Variants in MKLN1 observed in about 807,000 individuals in gnomAD.
MKLN1 encodes the protein muskelin.
Under a neutral mutation model 99.0 loss-of-function variants are expected in MKLN1, and 18 were observed. The ratio of observed to expected loss-of-function variants is 0.18; its 90% CI spans 0.13 to 0.27. The LOEUF (loss-of-function observed/expected upper bound fraction) is 0.27, where lower values mean the gene tolerates loss of function less well. Ranked by LOEUF, MKLN1 falls within the 10% of genes least tolerant of loss-of-function variation. The pLI, the probability that MKLN1 is intolerant of heterozygous loss-of-function variation, is 1.00. For synonymous variants in MKLN1, 288 were observed against 293.2 expected (o/e 0.98, Z 0.18); for missense variants, 621 against 875.9 (o/e 0.71, Z 3.67).
chr7:131,217,284 T>G (rs78299600), intron 3 of MKLN1, among the ~76,000 whole-genome samples: 25,082 of 152,264 alleles, frequency 0.16, 2,459 homozygotes, highest in South Asian at 0.29. Flanking sequence ...CAAATATGTA[T>G]TGAGTTCCTA....
In MKLN1 at chr7:131,493,165, G is replaced by A. The variant is rs1797469888; in HGVS notation, c.*5437G>A. 1 of 152,138 alleles carries A rather than the reference G, an allele frequency of 6.6e-6. No individual in the cohort carries two copies. The highest frequency in any genetic ancestry group is 1.5e-5 in the Non-Finnish European group (1 of 68,020). The allele number at this position is 152,138 out of a possible 1,614,324, so 9.4% of individuals were successfully genotyped here. On this transcript the variant is annotated 3_prime_UTR_variant, in exon 18 of 18. Transcript: ENST00000352689. ...AAGGGGAAATGTTTGGTAGGGAATT[G>A]GACCAGTTCTAAGGTATCACTTTTA...
At chr7:131,112,270 C>T (rs1795213535) in intron 1 of MKLN1, among the ~76,000 whole-genome samples, 1 of 152,154 alleles carries the variant, frequency 6.6e-6, no homozygotes, top group African/African-American at 2.4e-5. Flanking sequence ...TTCTAAGGTT[C>T]CTCCCATTTA....
chr7:131,193,475 T>A (rs891341319), intron 2 of MKLN1, among the ~76,000 whole-genome samples: 2 of 152,068 alleles, frequency 1.3e-5, no homozygotes, highest in Admixed American at 1.3e-4. Context: ...AAGTGATTCT[T>A]CTGCCTCAGC....
chr7:131,126,043 TA>T (rs1563223239), intron 1 of MKLN1, among the ~76,000 whole-genome samples: 32 of 2,806 alleles, frequency 0.011, no homozygotes, highest in Admixed American at 0.041. Context: ...AATAAATAAA[TA>T]AATAAATTAA....
At chr7:131,441,799 G>A in intron 10 of MKLN1, among the ~76,000 whole-genome samples, 1 of 152,126 alleles carries the variant, frequency 6.6e-6, no homozygotes, top group East Asian at 1.9e-4. Flanking sequence ...AAAGGTAGGG[G>A]GTTGGTAACA....
chr7:131,125,993 G>A (rs1479016036), intron 1 of MKLN1, among the ~76,000 whole-genome samples: 60 of 139,234 alleles, frequency 4.3e-4, no homozygotes, highest in African/African-American at 1.4e-3. Context: ...GCGACAGAGC[G>A]AGACTCCGTC....
chr7:131,309,769 G>A (rs4448213), intron 3 of MKLN1: 62,392 of 138,432 alleles, frequency 0.45, 15,235 homozygotes, highest in Admixed American at 0.58. Flanking sequence ...ACTGTTGCCC[G>A]GGCTGGAGTG....
intron 2 of MKLN1, among the ~76,000 whole-genome samples, chr7:131,184,002 C>CA (rs1796411977): frequency 6.6e-6 from 1 of 151,232 alleles, no homozygotes; most frequent in African/African-American, 2.4e-5. Context: ...AGTTTGCAAA[C>CA]GGAGTAAAGA....
At position 131,335,872 on chromosome 7, in the gene MKLN1, C is replaced by T. The variant is rs188186674; in HGVS notation, c.98+7875C>T. ...CAGCATTTTTATAAATGTTTATGTA[C>T]CCTTGAAAAGACTATGCATTCTGCT... On this transcript the variant is annotated intron_variant, in intron 1 of 17. Transcript: ENST00000352689. Among the ~76,000 whole-genome samples, 12 of 151,902 alleles carry T rather than the reference C, an allele frequency of 7.9e-5. No individual in the cohort carries two copies. In the East Asian group the frequency reaches 2.3e-3, roughly 29 times the overall value.
At chr7:131,260,803 T>C (rs952124861) in intron 3 of MKLN1, among the ~76,000 whole-genome samples, 14 of 152,130 alleles carry the variant, frequency 9.2e-5, no homozygotes, top group Middle Eastern at 3.4e-3. Context: ...AACAGACACA[T>C]AGACCAATGG....
At chr7:131,310,719 AAT>A (rs1265248788) in intron 3 of MKLN1, 9 of 152,318 alleles carry the variant, frequency 5.9e-5, no homozygotes, top group African/African-American at 2.2e-4. Context: ...CATATCTGAA[AAT>A]ATGTCATTCC....
At chr7:131,361,802 T>G (rs1800038679) in intron 1 of MKLN1, among the ~76,000 whole-genome samples, 1 of 151,996 alleles carries the variant, frequency 6.6e-6, no homozygotes, top group East Asian at 1.9e-4. Flanking sequence ...CTCTCATTTT[T>G]TTTTGGTTAG....
At chr7:131,160,393 T>C (rs1355259303) in intron 2 of MKLN1, among the ~76,000 whole-genome samples, 1 of 151,944 alleles carries the variant, frequency 6.6e-6, no homozygotes, top group East Asian at 1.9e-4. Context: ...TACAAGCTTT[T>C]GTGGAAATGT....
intron 3 of MKLN1, among the ~76,000 whole-genome samples, chr7:131,280,180 A>G (rs1043720780): frequency 9.9e-5 from 15 of 152,222 alleles, no homozygotes; most frequent in African/African-American, 2.7e-4. Flanking sequence ...TTGTATGGCT[A>G]TACCACATTT....
At chr7:131,187,714 A>G (rs1796473310) in intron 2 of MKLN1, among the ~76,000 whole-genome samples, 1 of 152,142 alleles carries the variant, frequency 6.6e-6, no homozygotes, top group Admixed American at 6.6e-5. Context: ...GGATCACTTG[A>G]GTCCAGGATT....
chr7:131,227,412 T>G (rs560749530), intron 3 of MKLN1, among the ~76,000 whole-genome samples: 1 of 150,790 alleles, frequency 6.6e-6, no homozygotes, highest in South Asian at 2.1e-4. Flanking sequence ...TTTCTTTCCC[T>G]CTCTCTCTTT....
rs529906160 is a variant in MKLN1 at position 131,451,162 on chromosome 7, C to T, written c.1525+5259C>T. On this transcript the variant is annotated intron_variant, in intron 12 of 17. Transcript: ENST00000352689. ...GAAGGCAGAATACTATTTAAATTCC[C>T]ACATTTTTAAAATATTCTTAGAAAA... Among the ~76,000 whole-genome samples the T allele has an allele frequency of 2.0e-5, 3 of 152,024 alleles. No homozygotes were observed. In the South Asian group the frequency reaches 6.2e-4, roughly 32 times the overall value.
At chr7:131,418,219 A>G (rs1217057106) in intron 8 of MKLN1, among the ~76,000 whole-genome samples, 2 of 151,968 alleles carry the variant, frequency 1.3e-5, no homozygotes, top group East Asian at 3.9e-4. Context: ...AAATACAAAA[A>G]TTAGCCGGGC....
At chr7:131,143,489 C>T (rs1012491464) in intron 2 of MKLN1, among the ~76,000 whole-genome samples, 11 of 151,764 alleles carry the variant, frequency 7.2e-5, no homozygotes, top group African/African-American at 2.4e-4. Context: ...AATTCTTCAT[C>T]ATTGCTCTAT....
Sources: gnomAD v4.1 joint callset for allele counts (sites outside exome capture counted in the v4.1 genomes callset) on GRCh38, gnomAD v4.1.1 for gene constraint, MANE v1.5 for transcripts, NCBI Gene and HGNC (gene_info 2026-07-23, HGNC 2026-07-21) for gene names.